The following MTA3 variants were observed in gnomAD, a reference collection of about 807,000 sequenced individuals.
The protein encoded by MTA3 is metastasis associated 1 family member 3, also known as metastasis-associated protein MTA3.
MTA3 carries 34 observed loss-of-function variants against 83.5 expected under a neutral mutation model. The observed-to-expected ratio is 0.41, with a 90% CI of 0.31 to 0.54. The LOEUF is 0.54. Ranked by LOEUF, MTA3 falls within the 20% of genes least tolerant of loss-of-function variation. The pLI is 0.33. For missense variants in MTA3, 761 were observed against 726.4 expected, an observed-to-expected ratio of 1.05 and a Z score of -0.55; for synonymous variants, 303 against 252.7, an observed-to-expected ratio of 1.20 and a Z score of -1.89.
intron 3 of MTA3, among the ~76,000 whole-genome samples, chr2:42,587,063 G>A (rs1484591426): frequency 1.3e-5 from 2 of 150,642 alleles, no homozygotes; most frequent in African/African-American, 2.4e-5. Context: ...TGTGGTGGCA[G>A]GCACCTGTAA....
Position 42,697,781 on chromosome 2 carries a change from T to G in MTA3, c.972T>G (p.Arg324=), listed in dbSNP as rs775676621. Residue 324 remains arginine (R), a synonymous_variant, in exon 11 of 17, where the codon CGT becomes CGG. Transcript: ENST00000405094. The stretch of plus-strand genomic sequence containing the variant: ...TTATTCATCTTTTGAATTAGAAACG[T>G]CTAAAAGCAGCAGAAGCTGAGAGTA... The part of the protein sequence containing the change: ...KTTDRYVQQK[R]LKAAEAESKL... 2 of 1,541,938 alleles carry G rather than the reference T, an allele frequency of 1.3e-6. No individual in the cohort carries two copies. Among genetic ancestry groups the G allele is most frequent in the Non-Finnish European group, 1.7e-6 (2 of 1,144,486 alleles).
At chr2:42,546,640 C>CT (rs1676770688) in intron 2 of MTA3, among the ~76,000 whole-genome samples, 1 of 152,032 alleles carries the variant, frequency 6.6e-6, no homozygotes, top group Non-Finnish European at 1.5e-5. Flanking sequence ...AGTTGGTCAT[C>CT]TTTTTTCCTG....
intron 16 of MTA3, among the ~76,000 whole-genome samples, chr2:42,752,745 G>A (rs143604620): frequency 4.6e-5 from 7 of 152,176 alleles, no homozygotes; most frequent in East Asian, 1.9e-4. Context: ...CTTAGTATCC[G>A]TCAGAAAAGT....
chr2:42,652,272 G>A (rs189131228), intron 6 of MTA3, among the ~76,000 whole-genome samples: 400 of 152,194 alleles, frequency 2.6e-3, no homozygotes, highest in Non-Finnish European at 3.6e-3. Context: ...TTTCCTGTAA[G>A]TTAGTCTTTC....
chr2:42,712,404 C>T (rs899384803), intron 14 of MTA3, among the ~76,000 whole-genome samples: 4 of 151,972 alleles, frequency 2.6e-5, no homozygotes, highest in African/African-American at 9.7e-5. Flanking sequence ...CCCAAGTGAT[C>T]CTCTTGGCTT....
intron 2 of MTA3, among the ~76,000 whole-genome samples, chr2:42,542,135 A>C (rs1337530896): frequency 6.6e-6 from 1 of 152,178 alleles, no homozygotes; most frequent in East Asian, 1.9e-4. Context: ...GTATAGACTC[A>C]CAAGTCTCCA....
intron 11 of MTA3, among the ~76,000 whole-genome samples, chr2:42,700,106 T>C (rs891872032): frequency 6.6e-6 from 1 of 151,880 alleles, no homozygotes; most frequent in Non-Finnish European, 1.5e-5. Flanking sequence ...ATGGAGATCA[T>C]TGGTGATCTT....
At chr2:42,617,440 C>T (rs1239849596) in intron 4 of MTA3, among the ~76,000 whole-genome samples, 1 of 152,054 alleles carries the variant, frequency 6.6e-6, no homozygotes, top group East Asian at 1.9e-4. Context: ...AAAAAGCAAG[C>T]AAATGTTATC....
chr2:42,745,652 C>T (rs1219032656), intron 16 of MTA3, among the ~76,000 whole-genome samples: 1 of 152,104 alleles, frequency 6.6e-6, no homozygotes, highest in Non-Finnish European at 1.5e-5. Flanking sequence ...TCCCAAAGTA[C>T]TGGGATTACA....
At chr2:42,660,004 G>A in intron 8 of MTA3, 142 bp downstream of exon 8, 1 of 450,950 alleles carries the variant, frequency 2.2e-6, no homozygotes, top group Non-Finnish European at 3.9e-6. Flanking sequence ...TTGGTTACTT[G>A]GTTGACTGGG....
chr2:42,732,445 C>G (rs1476189421), intron 16 of MTA3, among the ~76,000 whole-genome samples: 1 of 152,206 alleles, frequency 6.6e-6, no homozygotes, highest in Non-Finnish European at 1.5e-5. Flanking sequence ...TACCAAGTCC[C>G]TAGGCTGCAC....
intron 16 of MTA3, among the ~76,000 whole-genome samples, chr2:42,738,971 C>G (rs1486457241): frequency 6.6e-6 from 1 of 151,686 alleles, no homozygotes; most frequent in Non-Finnish European, 1.5e-5. Context: ...CAATGGTGCC[C>G]GAAACTTCAT....
At chr2:42,622,048 G>T (rs934899611) in intron 4 of MTA3, among the ~76,000 whole-genome samples, 7 of 152,314 alleles carry the variant, frequency 4.6e-5, no homozygotes, top group African/African-American at 1.7e-4. Flanking sequence ...GGAGGCCAAG[G>T]CAGGCGGCTG....
chr2:42,756,146 GC>G lies in MTA3; in HGVS notation c.*2752del. On this transcript the variant is annotated 3_prime_UTR_variant, in exon 17 of 17. Coordinates refer to ENST00000405094, the MANE Select transcript of MTA3 (RefSeq NM_001330442.2). ...AGGTGGGGAACAACAACAGCAAGCC[GC>G]CCCCATCCTGAGACTGGCTGGGCAC... 3 of 477,334 alleles carry G rather than the reference GC, an allele frequency of 6.3e-6. No homozygotes were observed. Among genetic ancestry groups the G allele is most frequent in the African/African-American group, 2.1e-5 (1 of 47,694 alleles). 29.6% of individuals were successfully genotyped at this position (477,334 alleles called of 1,614,324 possible). A position where few individuals can be genotyped will look rare whatever the true frequency, so the allele number is the denominator to read the frequency against.
intron 16 of MTA3, among the ~76,000 whole-genome samples, chr2:42,750,952 T>G (rs1669833217): frequency 6.6e-6 from 1 of 152,208 alleles, no homozygotes. Flanking sequence ...GTACCTGGTG[T>G]CATTTCATGA....
chr2:42,500,305 G>A (rs1182621797), intron 2 of MTA3, among the ~76,000 whole-genome samples: 2 of 151,794 alleles, frequency 1.3e-5, no homozygotes, highest in East Asian at 1.9e-4. Context: ...AGGCTAAGGC[G>A]GGAGAATCTC....
chr2:42,690,092 C>T (rs1692742944), intron 9 of MTA3, among the ~76,000 whole-genome samples: 1 of 152,092 alleles, frequency 6.6e-6, no homozygotes, highest in Non-Finnish European at 1.5e-5. Flanking sequence ...TTTGAGGCTG[C>T]AGCATGCTAT....
At chr2:42,585,940 T>G (rs1313573846) in intron 3 of MTA3, among the ~76,000 whole-genome samples, 1 of 151,794 alleles carries the variant, frequency 6.6e-6, no homozygotes, top group Non-Finnish European at 1.5e-5. Flanking sequence ...CTGTGTCTCT[T>G]TAAAAAAAAA....
chr2:42,634,344 A>G (rs575948684), intron 4 of MTA3, among the ~76,000 whole-genome samples: 40 of 152,322 alleles, frequency 2.6e-4, no homozygotes, highest in African/African-American at 9.4e-4. Context: ...AGACTGGGTA[A>G]TTTGTAAGGA....
Sources: gnomAD v4.1 joint callset for allele counts (sites outside exome capture counted in the v4.1 genomes callset) on GRCh38, gnomAD v4.1.1 for gene constraint, MANE v1.5 for transcripts, NCBI Gene and HGNC (gene_info 2026-07-23, HGNC 2026-07-21) for gene names.